ZC3H7B: variants seen among roughly 807,000 people sequenced by gnomAD.
The protein encoded by ZC3H7B is zinc finger CCCH-type containing 7B.
Under a neutral mutation model 116.0 loss-of-function variants are expected in ZC3H7B, and 35 were observed. The observed-to-expected ratio is 0.30, with a 90% CI of 0.23 to 0.40. ZC3H7B has a LOEUF of 0.40. ZC3H7B is among the 10% of genes least tolerant of loss of function. The probability of loss-of-function intolerance (pLI) is 1.00; values close to 1 mark genes in which losing one functional copy is unlikely to be tolerated. For synonymous variants in ZC3H7B, 502 were observed against 545.6 expected (o/e 0.92, Z 1.11); for missense variants, 1,011 against 1,321.5 (o/e 0.77, Z 3.64).
chr22:41,343,665 A>G (rs1293613477), intron 13 of ZC3H7B, 89 bp downstream of exon 13: 1 of 1,433,046 alleles, frequency 7.0e-7, no homozygotes, highest in Non-Finnish European at 9.2e-7. Flanking sequence ...ACAGGTAGAC[A>G]GAACAGGGGT....
chr22:41,346,208 G>A lies in ZC3H7B; in HGVS notation c.1665G>A (p.Glu555=). The change falls in exon 14 of 23, where the codon GAG becomes GAA. Residue 555 remains glutamate (E), a splice_region_variant and synonymous_variant. Transcript: ENST00000352645. This position sits in a 1 kb window ranked among gnomAD's most constrained non-coding sequence, Gnocchi z 5.3. ...EHQGIFTFLC[E]ICFDSKPRII... ...AGGGCATCTTCACCTTCCTCTGCGA[G>A]GTACTGCCCACCCACCCACTGCCAC... The A allele has an allele frequency of 6.2e-7, 1 of 1,609,062 alleles. No individual in the cohort carries two copies. Among genetic ancestry groups the A allele is most frequent in the Non-Finnish European group, 8.5e-7 (1 of 1,179,796 alleles).
chr22:41,319,400 C>CA (rs373136583), intron 1 of ZC3H7B, among the ~76,000 whole-genome samples: 126 of 146,674 alleles, frequency 8.6e-4, no homozygotes, highest in African/African-American at 2.1e-3. Context: ...AACTCCCTCT[C>CA]AAAAAAAAAC....
intron 1 of ZC3H7B, among the ~76,000 whole-genome samples, chr22:41,310,571 G>A (rs2036104676): frequency 6.6e-6 from 1 of 152,202 alleles, no homozygotes; most frequent in African/African-American, 2.4e-5. Context: ...CCTGGGAGCA[G>A]GAGCAGTGAC....
At position 41,327,752 on chromosome 22, in the gene ZC3H7B, A is replaced by C. The variant is rs2036336043; in HGVS notation, c.444+388A>C. 6.6e-6 allele frequency among the ~76,000 whole-genome samples: 1 copy of C among 151,990 alleles called. No individual in the cohort carries two copies. Among genetic ancestry groups the C allele is most frequent in the African/African-American group, 2.4e-5 (1 of 41,352 alleles). ...AGCCTGGCCAACATGGCAAAACCCCATCTCTACAAAAAATACAAAATTTAG... is the reference window on the plus strand; with the variant it reads ...AGCCTGGCCAACATGGCAAAACCCCCTCTCTACAAAAAATACAAAATTTAG... On this transcript the variant is annotated intron_variant, in intron 5 of 22. Coordinates refer to ENST00000352645, the MANE Select transcript of ZC3H7B (RefSeq NM_017590.6). This position sits in a 1 kb window ranked among gnomAD's most constrained non-coding sequence, Gnocchi z 4.5.
At position 41,339,163 on chromosome 22, in the gene ZC3H7B, C is replaced by T; in HGVS notation, c.788C>T (p.Pro263Leu). 12 of 1,612,034 alleles carry T rather than the reference C, an allele frequency of 7.4e-6. No homozygotes were observed. The highest frequency in any genetic ancestry group is 9.3e-6 in the Non-Finnish European group (11 of 1,179,072). Residue 263 changes from proline (P) to leucine (L), a missense_variant, in exon 9 of 23, where the codon CCA becomes CTA. Around this residue, in one of 5 missense-constraint regions of ZC3H7B, gnomAD observed 322 missense variants for 443.9 expected, o/e 0.73. Transcript: ENST00000352645. ...TTCTCAGACGGGGATGTCTTTGGCCCAGAGCTGGACACCCTCCTGGACTCG... is the reference window on the plus strand; with the variant it reads ...TTCTCAGACGGGGATGTCTTTGGCCTAGAGCTGGACACCCTCCTGGACTCG... ...DDFSDGDVFGPELDTLLDSLS... is the reference protein window; with the variant it reads ...DDFSDGDVFGLELDTLLDSLS...
In ZC3H7B at chr22:41,357,178, C is replaced by T. The variant is rs2036733000; in HGVS notation, c.2683C>T (p.Leu895Phe). The change falls in exon 23 of 23, where the codon CTC (leucine) becomes TTC (phenylalanine). Residue 895 changes from leucine (L) to phenylalanine (F), a missense_variant and splice_region_variant. By Grantham distance (22) the Leu-to-Phe change is conservative. Coordinates refer to ENST00000352645, the MANE Select transcript of ZC3H7B (RefSeq NM_017590.6). This position sits in a 1 kb window ranked among gnomAD's most constrained non-coding sequence, Gnocchi z 5.4. ...CAGTGAGCCTCCTGCCACCCACAGG[C>T]TCCAGAAGGGCAAAGCCTGCCCAGA... Reference protein sequence around the residue: ...PMGEFRLCDRLQKGKACPDGD... With the variant: ...PMGEFRLCDRFQKGKACPDGD... The T allele has an allele frequency of 2.5e-6, 4 of 1,612,826 alleles. No homozygotes were observed. Among genetic ancestry groups the T allele is most frequent in the East Asian group, 2.2e-5 (1 of 44,864 alleles).
At chr22:41,311,776 A>G (rs184268117) in intron 1 of ZC3H7B, among the ~76,000 whole-genome samples, 3 of 152,198 alleles carry the variant, frequency 2.0e-5, no homozygotes, top group Admixed American at 1.3e-4. Flanking sequence ...TGTCCCTTAA[A>G]TGGAAGCTCG....
chr22:41,316,732 C>T (rs539096904), intron 1 of ZC3H7B, among the ~76,000 whole-genome samples: 7 of 151,084 alleles, frequency 4.6e-5, no homozygotes, highest in South Asian at 2.1e-4. Flanking sequence ...TGTAGTGCAA[C>T]GGCGCAATCT....
At chr22:41,356,296 G>T (rs992817473) in intron 20 of ZC3H7B, 47 bp from the exon 21 acceptor site, 1 of 1,611,120 alleles carries the variant, frequency 6.2e-7, no homozygotes, top group Non-Finnish European at 8.5e-7. Flanking sequence ...GGGCAGAATG[G>T]ATGGAGAAGC....
At chr22:41,309,007 G>GTTTTTTTT (rs1446352722) in intron 1 of ZC3H7B, among the ~76,000 whole-genome samples, 1 of 93,832 alleles carries the variant, frequency 1.1e-5, no homozygotes. Flanking sequence ...CTCCCAGTCT[G>GTTTTTTTT]CTTTTTTTTT....
At chr22:41,312,439 G>GATA (rs1162596631) in intron 1 of ZC3H7B, among the ~76,000 whole-genome samples, 166 of 12,094 alleles carry the variant, frequency 0.014, 1 homozygote, top group South Asian at 0.06. Flanking sequence ...CTGTCTTAAT[G>GATA]ATAATAATAA....
chr22:41,307,470 AGAGG>A (rs2036059632), intron 1 of ZC3H7B, among the ~76,000 whole-genome samples: 1 of 152,188 alleles, frequency 6.6e-6, no homozygotes, highest in African/African-American at 2.4e-5. Context: ...ATGGAGGCCC[AGAGG>A]GAGGGACATT....
At chr22:41,324,644 C>T (rs1368419064) in intron 2 of ZC3H7B, among the ~76,000 whole-genome samples, 2 of 152,178 alleles carry the variant, frequency 1.3e-5, no homozygotes, top group Non-Finnish European at 2.9e-5. Flanking sequence ...CAGGAGGGAG[C>T]AGGTGCCCAG....
rs529527775 is a variant in ZC3H7B at position 41,332,333 on chromosome 22, C to T, written c.582+106C>T. The T allele has an allele frequency of 2.1e-5, 29 of 1,375,978 alleles. No homozygotes were observed. In the African/African-American group the frequency reaches 3.4e-4, roughly 16 times the overall value. 85.2% of individuals were successfully genotyped at this position (1,375,978 alleles called of 1,614,324 possible). A position where few individuals can be genotyped will look rare whatever the true frequency, so the allele number is the denominator to read the frequency against. On this transcript the variant is annotated intron_variant, in intron 7 of 22. Coordinates refer to ENST00000352645, the MANE Select transcript of ZC3H7B (RefSeq NM_017590.6). Reference sequence around the variant, plus strand: ...CTCAGGCAGTGGGTCCAGGGGCCTCCGCCTCCCTAGGAGGTACCTCCCGTG... The same window carrying T: ...CTCAGGCAGTGGGTCCAGGGGCCTCTGCCTCCCTAGGAGGTACCTCCCGTG...
chr22:41,312,650 G>GT (rs947435191), intron 1 of ZC3H7B, among the ~76,000 whole-genome samples: 1 of 151,978 alleles, frequency 6.6e-6, no homozygotes, highest in African/African-American at 2.4e-5. Flanking sequence ...GCTCACGCCT[G>GT]TACTCCCAGC....
At chr22:41,316,732 C>G (rs539096904) in intron 1 of ZC3H7B, among the ~76,000 whole-genome samples, 1 of 150,958 alleles carries the variant, frequency 6.6e-6, no homozygotes, top group South Asian at 2.1e-4. Context: ...TGTAGTGCAA[C>G]GGCGCAATCT....
chr22:41,346,915 C>G lies in ZC3H7B; in HGVS notation c.1665+707C>G, dbSNP rs982322230. 4.7e-5 allele frequency among the ~76,000 whole-genome samples: 7 copies of G among 148,578 alleles called. No homozygotes were observed. Among genetic ancestry groups the G allele is most frequent in the African/African-American group, 1.8e-4 (7 of 39,836 alleles). On this transcript the variant is annotated intron_variant, in intron 14 of 22. Transcript: ENST00000352645. The surrounding 1 kb of genome is among the most constrained non-coding windows in gnomAD (Gnocchi z 5.3). ...CCAGGAGGTAGAGGCTGCAGTGAGC[C>G]AAGATCGAACCACTGCACTCCAGCC...
At chr22:41,340,458 C>G (rs767389714) in intron 10 of ZC3H7B, among the ~76,000 whole-genome samples, 1 of 152,078 alleles carries the variant, frequency 6.6e-6, no homozygotes, top group Non-Finnish European at 1.5e-5. Context: ...TGGGATGATC[C>G]TGAGGCTGGG....
At position 41,349,040 on chromosome 22, in the gene ZC3H7B, TG is replaced by T; in HGVS notation, c.1767-77del. 6.8e-7 allele frequency: 1 copy of T among 1,474,680 alleles called. No individual in the cohort carries two copies. The highest frequency in any genetic ancestry group is 9.2e-7 in the Non-Finnish European group (1 of 1,084,716). 91.3% of individuals were successfully genotyped at this position (1,474,680 alleles called of 1,614,324 possible). A position where few individuals can be genotyped will look rare whatever the true frequency, so the allele number is the denominator to read the frequency against. ...GGGGTGCCCAGGGAGAGCCTGGCAC[TG>T]GGAAGGTGGCCCTACCAGGAGAGAA... On this transcript the variant is annotated intron_variant, in intron 15 of 22. Coordinates refer to ENST00000352645, the MANE Select transcript of ZC3H7B (RefSeq NM_017590.6). The surrounding 1 kb of genome is among the most constrained non-coding windows in gnomAD (Gnocchi z 4.9).
Sources: allele counts gnomAD v4.1 joint callset (sites outside exome capture counted in the v4.1 genomes callset), GRCh38; gene constraint gnomAD v4.1.1; regional missense constraint gnomAD v4.1.1; non-coding constraint Gnocchi (gnomAD v3.1); transcripts MANE v1.5; gene names NCBI Gene and HGNC (gene_info 2026-07-23, HGNC 2026-07-21).